The following EDARADD variants were observed in gnomAD, a reference collection of about 807,000 sequenced individuals.
EDARADD encodes ectodysplasin-A receptor-associated adapter protein.
Under a neutral mutation model 25.6 loss-of-function variants are expected in EDARADD, and 20 were observed. The ratio of observed to expected loss-of-function variants is 0.78; its 90% CI spans 0.55 to 1.14. EDARADD has a LOEUF of 1.14. Ranked by LOEUF, EDARADD falls within the 50% of genes most tolerant of loss-of-function variation. EDARADD has a pLI of 0.00. For missense variants in EDARADD, 225 were observed against 270.1 expected (o/e 0.83, Z 1.17); for synonymous variants, 86 against 94.4 (o/e 0.91, Z 0.52).
At chr1:236,389,031 C>T (rs893491878) in intron 3 of EDARADD, among the ~76,000 whole-genome samples, 8 of 152,172 alleles carry the variant, frequency 5.3e-5, no homozygotes, top group African/African-American at 1.9e-4. Context: ...AGCTGAATTT[C>T]ATTACTTGGG....
intron 4 of EDARADD, among the ~76,000 whole-genome samples, chr1:236,443,211 T>C (rs955816155): frequency 2.0e-5 from 3 of 152,226 alleles, no homozygotes; most frequent in Admixed American, 6.5e-5. Flanking sequence ...TCCTTTTCTT[T>C]ATAAGTTGCC....
rs898808939 is a variant in EDARADD, at chr1:236,407,930, A to G, written c.62-1286A>G. Among the ~76,000 whole-genome samples the G allele has an allele frequency of 1.1e-4, 16 of 152,342 alleles. No individual in the cohort carries two copies. The South Asian group carries it at 1.7e-3, about 16-fold the overall frequency. The stretch of plus-strand genomic sequence containing the variant: ...AAATCAAGATTATTTTTGATAAAAA[A>G]CTATGGTTTTTTCTTTATTAGTCCA... On this transcript the variant is annotated intron_variant, in intron 1 of 5. Coordinates refer to ENST00000334232, the MANE Select transcript of EDARADD (RefSeq NM_145861.4).
chr1:236,389,863 G>A (rs1667399234), upstream of EDARADD, among the ~76,000 whole-genome samples: 1 of 152,008 alleles, frequency 6.6e-6, no homozygotes, highest in African/African-American at 2.4e-5. Flanking sequence ...AAAAAAATTG[G>A]CCAGGCGTGG....
chr1:236,373,166 T>G (rs1255213458), intron 3 of EDARADD, among the ~76,000 whole-genome samples: 1 of 151,658 alleles, frequency 6.6e-6, no homozygotes, highest in African/African-American at 2.4e-5. Context: ...CCGCCCGCCT[T>G]GGCTTCCCAA....
intron 2 of EDARADD, among the ~76,000 whole-genome samples, chr1:236,412,589 G>A (rs654468): frequency 0.45 from 68,231 of 151,868 alleles, 17,584 homozygotes; most frequent in Non-Finnish European, 0.59. Flanking sequence ...TATACCCTCC[G>A]CTCTTCCAGC....
In EDARADD at chr1:236,484,592, T is replaced by C; in HGVS notation, c.*1943T>C. The C allele has an allele frequency of 1.4e-6, 1 of 725,894 alleles. No homozygotes were observed. Among genetic ancestry groups the C allele is most frequent in the Non-Finnish European group, 2.3e-6 (1 of 435,276 alleles). 45.0% of individuals were successfully genotyped at this position (725,894 alleles called of 1,614,324 possible). On this transcript the variant is annotated 3_prime_UTR_variant, in exon 6 of 6. Transcript: ENST00000334232. This position sits in a 1 kb window ranked among gnomAD's most constrained non-coding sequence, Gnocchi z 4.1. ...GGGGCCGCTGCTAGTTAGCTACCCT[T>C]GCCCACCGCCGTGGAGTTCGCACCT...
At chr1:236,401,612 AG>A (rs1303261576) in intron 1 of EDARADD, among the ~76,000 whole-genome samples, 1 of 152,160 alleles carries the variant, frequency 6.6e-6, no homozygotes, top group Non-Finnish European at 1.5e-5. Context: ...GTTGAAGAAG[AG>A]TAGATGAGAT....
At chr1:236,404,828 C>T (rs1043375423) in intron 1 of EDARADD, among the ~76,000 whole-genome samples, 3 of 151,630 alleles carry the variant, frequency 2.0e-5, no homozygotes, top group African/African-American at 7.3e-5. Flanking sequence ...CGCGGTGGCT[C>T]ACACCTGTAA....
At chr1:236,445,845 C>G (rs926367375) in intron 4 of EDARADD, among the ~76,000 whole-genome samples, 1 of 152,108 alleles carries the variant, frequency 6.6e-6, no homozygotes, top group Non-Finnish European at 1.5e-5. Flanking sequence ...GGTGGGAGCC[C>G]AGGTTTTCTG....
chr1:236,375,901 GA>G (rs1291388018), intron 3 of EDARADD, among the ~76,000 whole-genome samples: 8 of 123,504 alleles, frequency 6.5e-5, no homozygotes, highest in Admixed American at 1.7e-4. Flanking sequence ...AAGAAAGAAA[GA>G]AAAAAAAAAG....
chr1:236,357,088 T>TAAA lies in EDARADD; in HGVS notation c.-6+6253_-6+6255dup, dbSNP rs138887211. 1.1e-3 allele frequency among the ~76,000 whole-genome samples: 162 copies of TAAA among 145,346 alleles called. 1 individual carries two copies. Among genetic ancestry groups the TAAA allele is most frequent in the Middle Eastern group, 3.5e-3 (1 of 288 alleles). On this transcript the variant is annotated intron_variant, in intron 3 of 7. Transcript: ENST00000439430. ...AACAAGAGTGAGGCTCTGTCTCAAA[T>TAAA]AAAAAATAAAAAAAAAAAGTTTTTG...
intron 4 of EDARADD, among the ~76,000 whole-genome samples, chr1:236,434,240 T>C (rs556111943): frequency 2.5e-3 from 380 of 150,718 alleles, no homozygotes; most frequent in South Asian, 0.013. Context: ...TATGAATTTT[T>C]TTGCTTTTTT....
upstream of EDARADD, among the ~76,000 whole-genome samples, chr1:236,392,491 A>ATTTT (rs10649367): frequency 2.4e-4 from 33 of 139,622 alleles, 1 homozygote; most frequent in African/African-American, 7.5e-4. Context: ...TGCTCAGCTA[A>ATTTT]TTTTTTTTTT....
intron 3 of EDARADD, among the ~76,000 whole-genome samples, chr1:236,370,008 A>G (rs1196182790): frequency 6.6e-6 from 1 of 152,180 alleles, no homozygotes; most frequent in Admixed American, 6.6e-5. Context: ...TCTCACTGCC[A>G]CCCAAGACAC....
In EDARADD at chr1:236,445,179, T is replaced by C. The variant is rs1399526106; in HGVS notation, c.219+17729T>C. On this transcript the variant is annotated intron_variant, in intron 4 of 5. Transcript: ENST00000334232. Reference sequence around the variant, plus strand: ...AAAGACAGTTTTATTTATTCTCCACTGTAACGTTTATTTACTTTTCTTGTG... The same window carrying C: ...AAAGACAGTTTTATTTATTCTCCACCGTAACGTTTATTTACTTTTCTTGTG... 2.0e-5 allele frequency among the ~76,000 whole-genome samples: 3 copies of C among 152,100 alleles called. No homozygotes were observed. In the East Asian group the frequency reaches 5.8e-4, roughly 29 times the overall value.
chr1:236,432,564 C>T (rs1215689056), intron 4 of EDARADD, among the ~76,000 whole-genome samples: 1 of 151,956 alleles, frequency 6.6e-6, no homozygotes, highest in African/African-American at 2.4e-5. Flanking sequence ...GATTACAAAA[C>T]AAGTTTTTTT....
chr1:236,374,309 C>G (rs1667201400), intron 3 of EDARADD, among the ~76,000 whole-genome samples: 1 of 133,662 alleles, frequency 7.5e-6, no homozygotes, highest in African/African-American at 2.7e-5. Flanking sequence ...TTCCCTCCTT[C>G]TTTGAGACAG....
At chr1:236,459,139 C>T (rs1658966697) in intron 4 of EDARADD, among the ~76,000 whole-genome samples, 1 of 152,230 alleles carries the variant, frequency 6.6e-6, no homozygotes, top group South Asian at 2.1e-4. Flanking sequence ...CCTCAGCATT[C>T]AGCCTTCCTT....
chr1:236,417,117 AAAAT>A (rs59744483), intron 3 of EDARADD, among the ~76,000 whole-genome samples: 67,614 of 150,472 alleles, frequency 0.45, 17,283 homozygotes, highest in Non-Finnish European at 0.59. Flanking sequence ...CCCTGTCTCA[AAAAT>A]AAATAAATAA....
Sources: allele counts gnomAD v4.1 joint callset (sites outside exome capture counted in the v4.1 genomes callset), GRCh38; gene constraint gnomAD v4.1.1; non-coding constraint Gnocchi (gnomAD v3.1); transcripts MANE v1.5; gene names NCBI Gene and HGNC (gene_info 2026-07-23, HGNC 2026-07-21).